PGLYRP4: variants seen among roughly 807,000 people sequenced by gnomAD.
PGLYRP4 encodes peptidoglycan recognition protein 4, also known as PGRP-I-beta.
PGLYRP4 carries 39 observed loss-of-function variants against 41.2 expected under a neutral mutation model. That is an observed-to-expected ratio of 0.95 (90% CI 0.73 to 1.24). PGLYRP4 has a LOEUF of 1.24. Ranked by LOEUF, PGLYRP4 falls within the 50% of genes most tolerant of loss-of-function variation. PGLYRP4 has a pLI of 0.00. For synonymous variants in PGLYRP4, 202 were observed against 186.8 expected (o/e 1.08, Z -0.66); for missense variants, 467 against 460.7 (o/e 1.01, Z -0.13).
At position 153,330,806 on chromosome 1, in the gene PGLYRP4, C is replaced by T; in HGVS notation, c.1083G>A (p.Leu361=). 3 of 1,614,034 alleles carry T rather than the reference C, an allele frequency of 1.9e-6. No individual in the cohort carries two copies. Among genetic ancestry groups the T allele is most frequent in the Non-Finnish European group, 2.5e-6 (3 of 1,179,948 alleles). The change falls in exon 9 of 9, where the codon TTG becomes TTA. Residue 361 remains leucine (L), a synonymous_variant. Transcript: ENST00000359650. ...GAGGCCAGGTGCTGATGATGTTGTACAAAGCCTGCCCAGGAGACAAGGTTC... is the reference window on the plus strand; with the variant it reads ...GAGGCCAGGTGCTGATGATGTTGTATAAAGCCTGCCCAGGAGACAAGGTTC... The part of the protein sequence containing the change: ...VARTLSPGQA[L]YNIISTWPHF...
intron 4 of PGLYRP4, among the ~76,000 whole-genome samples, chr1:153,343,842 A>G (rs1356504788): frequency 6.6e-6 from 1 of 152,200 alleles, no homozygotes; most frequent in Non-Finnish European, 1.5e-5. Context: ...AGTAAAACAC[A>G]GATAAGACAG....
intron 7 of PGLYRP4, among the ~76,000 whole-genome samples, 160 bp downstream of exon 7, chr1:153,340,221 A>C (rs1660737027): frequency 6.6e-6 from 1 of 152,182 alleles, no homozygotes; most frequent in Non-Finnish European, 1.5e-5. Context: ...CTCCTAAGAA[A>C]GACCCAGGCA....
At chr1:153,347,632 A>ACC (rs1177976874) in intron 2 of PGLYRP4, among the ~76,000 whole-genome samples, 1 of 152,098 alleles carries the variant, frequency 6.6e-6, no homozygotes, top group Non-Finnish European at 1.5e-5. Context: ...TAGGCCTCCC[A>ACC]AAGTGCTGGG....
chr1:153,336,854 C>T (rs1660589633), intron 8 of PGLYRP4, among the ~76,000 whole-genome samples: 2 of 152,190 alleles, frequency 1.3e-5, no homozygotes, highest in Admixed American at 1.3e-4. Context: ...ACATTGTTGT[C>T]ATGGTAACCA....
At chr1:153,342,476 G>T (rs999346731) in intron 5 of PGLYRP4, among the ~76,000 whole-genome samples, 1 of 152,162 alleles carries the variant, frequency 6.6e-6, no homozygotes, top group Non-Finnish European at 1.5e-5. Flanking sequence ...GTACTGGAAG[G>T]GGAAAATGAG....
In PGLYRP4 at chr1:153,345,040, AT is replaced by A. The variant is rs1660943995; in HGVS notation, c.353+128del. The stretch of plus-strand genomic sequence containing the variant: ...TGGGAGTTTCATGGGGGTTTTAAAT[AT>A]TTTATTCATTATAAAACATATAGGA... On this transcript the variant is annotated intron_variant, in intron 4 of 8. Coordinates refer to ENST00000359650, the MANE Select transcript of PGLYRP4 (RefSeq NM_020393.4). 4.3e-6 allele frequency: 3 copies of A among 693,006 alleles called. No individual in the cohort carries two copies. In the South Asian group the frequency reaches 5.7e-5, roughly 13 times the overall value. 42.9% of individuals were successfully genotyped at this position (693,006 alleles called of 1,614,324 possible).
intron 6 of PGLYRP4, among the ~76,000 whole-genome samples, chr1:153,340,836 G>A (rs908429852): frequency 1.7e-4 from 26 of 152,152 alleles, no homozygotes; most frequent in Non-Finnish European, 3.5e-4. Context: ...CAATGTAAGC[G>A]ATCATTTATG....
intron 6 of PGLYRP4, 75 bp from the exon 7 acceptor site, chr1:153,340,654 A>G: frequency 6.8e-7 from 1 of 1,466,056 alleles, no homozygotes; most frequent in Non-Finnish European, 9.3e-7. Flanking sequence ...GTAGGCTGAT[A>G]TAATGCTCAG....
intron 2 of PGLYRP4, among the ~76,000 whole-genome samples, chr1:153,347,636 T>C (rs1661072812): frequency 6.6e-6 from 1 of 152,144 alleles, no homozygotes; most frequent in Non-Finnish European, 1.5e-5. Context: ...CCTCCCAAAG[T>C]GCTGGGATTA....
intron 8 of PGLYRP4, among the ~76,000 whole-genome samples, chr1:153,334,626 G>C (rs1347157367): frequency 1.3e-5 from 2 of 151,610 alleles, no homozygotes; most frequent in Admixed American, 1.3e-4. Context: ...TGACCATACT[G>C]CCTAAAGCAA....
intron 8 of PGLYRP4, among the ~76,000 whole-genome samples, chr1:153,334,952 G>A (rs1469621230): frequency 6.6e-6 from 1 of 152,094 alleles, no homozygotes; most frequent in Non-Finnish European, 1.5e-5. Context: ...ATACACCAGG[G>A]AAAGGACACC....
intron 8 of PGLYRP4, among the ~76,000 whole-genome samples, chr1:153,332,720 C>G (rs1051804051): frequency 2.6e-5 from 4 of 151,924 alleles, no homozygotes; most frequent in Non-Finnish European, 5.9e-5. Flanking sequence ...AAATCAATAC[C>G]AAGAGTAACT....
chr1:153,346,878 G>T (rs1661032852), intron 2 of PGLYRP4, among the ~76,000 whole-genome samples: 1 of 152,174 alleles, frequency 6.6e-6, no homozygotes, highest in Non-Finnish European at 1.5e-5. Flanking sequence ...AGTTTAGGAA[G>T]TCATAACTAT....
At chr1:153,339,070 A>G (rs1411088077) in intron 7 of PGLYRP4, among the ~76,000 whole-genome samples, 1 of 152,218 alleles carries the variant, frequency 6.6e-6, no homozygotes, top group Non-Finnish European at 1.5e-5. Context: ...CACCTCAATG[A>G]AAGAAAATGA....
At chr1:153,344,909 C>T (rs1269768319) in intron 4 of PGLYRP4, 9 of 444,900 alleles carry the variant, frequency 2.0e-5, no homozygotes, top group Non-Finnish European at 3.3e-5. Context: ...GTGTGCTGTG[C>T]AAGCCAGGGT....
At chr1:153,341,533 T>C in intron 6 of PGLYRP4, 94 bp downstream of exon 6, 1 of 1,152,730 alleles carries the variant, frequency 8.7e-7, no homozygotes, top group African/African-American at 1.5e-5. Context: ...AGGAATCTAA[T>C]GGGCCCTACT....
intron 7 of PGLYRP4, among the ~76,000 whole-genome samples, chr1:153,337,906 A>G (rs1449388345): frequency 6.6e-6 from 1 of 151,942 alleles, no homozygotes; most frequent in Non-Finnish European, 1.5e-5. Flanking sequence ...AGCTTCCATC[A>G]CACCACACTC....
At chr1:153,347,036 G>A (rs1458307435) in intron 2 of PGLYRP4, among the ~76,000 whole-genome samples, 1 of 152,146 alleles carries the variant, frequency 6.6e-6, no homozygotes, top group African/African-American at 2.4e-5. Flanking sequence ...CCTTAAGAGA[G>A]AGTAGGTTTT....
At position 153,330,889 on chromosome 1, in the gene PGLYRP4, T is replaced by C. The variant is rs1451248739; in HGVS notation, c.1000A>G (p.Met334Val). The change falls in exon 9 of 9, where the codon ATG becomes GTG. Residue 334 changes from methionine (M) to valine (V), a missense_variant. Coordinates refer to ENST00000359650, the MANE Select transcript of PGLYRP4 (RefSeq NM_020393.4). Reference sequence around the variant, plus strand: ...TTGGGAGTCAGGTACCCTTTGACCATGGCACACTGGATCAGGTCTTGGGCT... The same window carrying C: ...TTGGGAGTCAGGTACCCTTTGACCACGGCACACTGGATCAGGTCTTGGGCT... ...EAAQDLIQCAMVKGYLTPNYL... is the reference protein window; with the variant it reads ...EAAQDLIQCAVVKGYLTPNYL... 2 of 1,614,060 alleles carry C rather than the reference T, an allele frequency of 1.2e-6. No individual in the cohort carries two copies. The highest frequency in any genetic ancestry group is 1.1e-5 in the South Asian group (1 of 91,078).
Sources: gnomAD v4.1 joint callset for allele counts (sites outside exome capture counted in the v4.1 genomes callset) on GRCh38, gnomAD v4.1.1 for gene constraint, MANE v1.5 for transcripts, NCBI Gene and HGNC (gene_info 2026-07-23, HGNC 2026-07-21) for gene names.